RGS6: variants seen among roughly 807,000 people sequenced by gnomAD.
RGS6 encodes regulator of G protein signaling 6, also known as regulator of G-protein signaling 6.
In RGS6, 30 loss-of-function variants were observed where a neutral mutation model predicts 78.5. The ratio of observed to expected loss-of-function variants is 0.38; its 90% CI spans 0.29 to 0.52. The LOEUF (loss-of-function observed/expected upper bound fraction) is 0.52, where lower values mean the gene tolerates loss of function less well. Ranked by LOEUF, RGS6 falls within the 20% of genes least tolerant of loss-of-function variation. The pLI, the probability that RGS6 is intolerant of heterozygous loss-of-function variation, is 0.85. For missense variants in RGS6, 495 were observed against 609.7 expected (o/e 0.81, Z 1.98); for synonymous variants, 206 against 206.0 (o/e 1.00, Z 0.00).
intron 13 of RGS6, among the ~76,000 whole-genome samples, chr14:72,501,162 G>C (rs905263452): frequency 6.6e-6 from 1 of 152,048 alleles, no homozygotes; most frequent in Admixed American, 6.6e-5. Flanking sequence ...TGATTTCCAG[G>C]GCCCAGGATG....
At chr14:72,557,780 C>T (rs1046486608) in intron 17 of RGS6, among the ~76,000 whole-genome samples, 3 of 152,180 alleles carry the variant, frequency 2.0e-5, no homozygotes, top group Non-Finnish European at 4.4e-5. Flanking sequence ...CAAAGGGATC[C>T]GTTTGCATCA....
intron 2 of RGS6, among the ~76,000 whole-genome samples, chr14:72,071,221 G>A (rs954468391): frequency 6.6e-6 from 1 of 152,110 alleles, no homozygotes. Flanking sequence ...AGTATGGTTC[G>A]TTCATATTTA....
chr14:72,011,542 A>G (rs2085719924), intron 2 of RGS6, among the ~76,000 whole-genome samples: 1 of 151,700 alleles, frequency 6.6e-6, no homozygotes, highest in South Asian at 2.1e-4. Context: ...GGAGATTGGA[A>G]GGAATTCATA....
the RGS6 span, among the ~76,000 whole-genome samples, chr14:72,586,880 A>G: frequency 6.6e-6 from 1 of 152,204 alleles, no homozygotes; most frequent in African/African-American, 2.4e-5. Context: ...TTGATGAGTC[A>G]ATCAGTCAAC....
intron 12 of RGS6, among the ~76,000 whole-genome samples, chr14:72,479,635 C>A (rs1428519968): frequency 6.6e-6 from 1 of 152,226 alleles, no homozygotes; most frequent in African/African-American, 2.4e-5. Flanking sequence ...GTACTGATCA[C>A]TCTGGAGTCG....
At chr14:72,132,300 G>A (rs1372319753) in intron 2 of RGS6, among the ~76,000 whole-genome samples, 1 of 147,218 alleles carries the variant, frequency 6.8e-6, no homozygotes, top group Non-Finnish European at 1.5e-5. Flanking sequence ...TTTTTTAGGT[G>A]GAGTCTCACT....
At chr14:72,323,927 ATAT>A (rs2072944073) in intron 2 of RGS6, among the ~76,000 whole-genome samples, 1 of 147,282 alleles carries the variant, frequency 6.8e-6, no homozygotes, top group South Asian at 2.3e-4. Flanking sequence ...GTAGGTGTAT[ATAT>A]TTATGGGGTA....
At chr14:71,890,358 C>CAGACAGACAGAGAG in the RGS6 span, among the ~76,000 whole-genome samples, 85 of 133,094 alleles carry the variant, frequency 6.4e-4, no homozygotes, top group African/African-American at 2.4e-3. Flanking sequence ...GTGCATAAGA[C>CAGACAGACAGAGAG]AGAGAGAGAG....
chr14:72,033,881 C>A (rs2091293561), intron 2 of RGS6, among the ~76,000 whole-genome samples: 1 of 152,092 alleles, frequency 6.6e-6, no homozygotes, highest in South Asian at 2.1e-4. Context: ...GTTCCAGTTT[C>A]TTCACCTCTT....
chr14:72,449,130 G>A (rs897982851), intron 3 of RGS6, among the ~76,000 whole-genome samples: 8 of 152,152 alleles, frequency 5.3e-5, no homozygotes, highest in African/African-American at 1.9e-4. Flanking sequence ...AAAATCCAAT[G>A]GATCAAGTCA....
intron 3 of RGS6, among the ~76,000 whole-genome samples, chr14:72,435,592 C>T (rs1040208610): frequency 8.6e-5 from 13 of 152,016 alleles, no homozygotes; most frequent in Admixed American, 5.9e-4. Context: ...GACTAAAATC[C>T]AGGTATTGGC....
At chr14:72,494,681 T>C (rs1011635575) in intron 12 of RGS6, among the ~76,000 whole-genome samples, 2 of 152,216 alleles carry the variant, frequency 1.3e-5, no homozygotes, top group African/African-American at 4.8e-5. Context: ...TGTTTACTCC[T>C]TGTGGTCTGC....
chr14:72,199,709 T>C (rs2041042122), intron 2 of RGS6, among the ~76,000 whole-genome samples: 2 of 152,192 alleles, frequency 1.3e-5, no homozygotes. Context: ...ACTATTGTTT[T>C]ATTGACTTTA....
intron 3 of RGS6, among the ~76,000 whole-genome samples, chr14:72,427,281 A>T (rs1566819542): frequency 6.6e-6 from 1 of 152,176 alleles, no homozygotes; most frequent in Non-Finnish European, 1.5e-5. Context: ...AGTTGTTGTT[A>T]ATCTCTTATG....
chr14:72,232,041 G>A (rs563776018), intron 2 of RGS6, among the ~76,000 whole-genome samples: 1 of 152,326 alleles, frequency 6.6e-6, no homozygotes, highest in East Asian at 1.9e-4. Flanking sequence ...GGAGGACAAG[G>A]ATAGAAGAAG....
chr14:72,409,738 G>A (rs533692333), intron 3 of RGS6, among the ~76,000 whole-genome samples: 1 of 151,716 alleles, frequency 6.6e-6, no homozygotes, highest in Non-Finnish European at 1.5e-5. Flanking sequence ...AACAGTCCTC[G>A]GTGTGTGATG....
At chr14:72,501,302 C>A (rs2096722140) in intron 13 of RGS6, among the ~76,000 whole-genome samples, 1 of 152,096 alleles carries the variant, frequency 6.6e-6, no homozygotes, top group Admixed American at 6.6e-5. Context: ...ATAGGATATA[C>A]AATAAATAGC....
chr14:71,914,512 T>C, the RGS6 span, among the ~76,000 whole-genome samples: 1 of 152,198 alleles, frequency 6.6e-6, no homozygotes, highest in East Asian at 1.9e-4. Context: ...TCTTAATTCT[T>C]TCTCATCTCC....
At chr14:72,277,335 C>T (rs901680534) in intron 2 of RGS6, among the ~76,000 whole-genome samples, 3 of 152,188 alleles carry the variant, frequency 2.0e-5, no homozygotes, top group Non-Finnish European at 2.9e-5. Flanking sequence ...CGGTGGCTCA[C>T]GCCTGTAATC....
Sources: gnomAD v4.1 joint callset for allele counts (sites outside exome capture counted in the v4.1 genomes callset) on GRCh38, gnomAD v4.1.1 for gene constraint, MANE v1.5 for transcripts, NCBI Gene and HGNC (gene_info 2026-07-23, HGNC 2026-07-21) for gene names.